NHERF2: variants seen among roughly 807,000 people sequenced by gnomAD.
The protein encoded by NHERF2 is Na(+)/H(+) exchange regulatory cofactor NHE-RF2.
chr16:2,036,928 G>A, the NHERF2 span: 5 of 1,575,598 alleles, frequency 3.2e-6, no homozygotes, highest in South Asian at 5.8e-5. Flanking sequence ...TGGTGGCTGA[G>A]CAGCCACTGA....
the NHERF2 span, chr16:2,033,234 C>A: frequency 2.0e-6 from 3 of 1,509,506 alleles, no homozygotes; most frequent in Admixed American, 4.0e-5. Flanking sequence ...CCCCACCCAT[C>A]CCCGGGGAGC....
At chr16:2,033,090 G>A in the NHERF2 span, 1 of 985,420 alleles carries the variant, frequency 1.0e-6, no homozygotes, top group Non-Finnish European at 1.2e-6. Context: ...GGGCAGGGCA[G>A]GGCCTTCCAG....
the NHERF2 span, chr16:2,035,779 T>A: frequency 1.4e-6 from 1 of 737,140 alleles, no homozygotes; most frequent in Non-Finnish European, 1.7e-6. Context: ...ACTAAGCTCC[T>A]GCCCCAGCCC....
At chr16:2,032,884 C>T in the NHERF2 span, 2 of 1,028,992 alleles carry the variant, frequency 1.9e-6, no homozygotes, top group Middle Eastern at 4.8e-4. The surrounding 1 kb of genome is among the most constrained non-coding windows in gnomAD (Gnocchi z 4.0). Flanking sequence ...CATGTCTCCA[C>T]CCCCATCTGG....
chr16:2,036,575 A>G, the NHERF2 span: 3 of 1,517,996 alleles, frequency 2.0e-6, no homozygotes, highest in Non-Finnish European at 2.7e-6. Context: ...GGGTCCTTGC[A>G]GGGAGGAGGG....
the NHERF2 span, chr16:2,035,998 C>T: frequency 3.9e-4 from 127 of 329,496 alleles, no homozygotes; most frequent in African/African-American, 2.2e-3. Flanking sequence ...AGGAGGCCAA[C>T]GGCGACAGTT....
the NHERF2 span, chr16:2,033,565 G>T: frequency 3.1e-6 from 3 of 957,308 alleles, no homozygotes; most frequent in Non-Finnish European, 4.5e-6. Flanking sequence ...GCCTTTCTCT[G>T]CCAGGGCTGG....
the NHERF2 span, chr16:2,036,407 T>C: frequency 1.9e-5 from 31 of 1,609,654 alleles, no homozygotes; most frequent in Non-Finnish European, 2.5e-5. Flanking sequence ...TCAACCTGCA[T>C]AGTGACAAGT....
At chr16:2,027,190 T>C in the NHERF2 span, 1 of 1,446,588 alleles carries the variant, frequency 6.9e-7, no homozygotes. Flanking sequence ...GTCAACGGCG[T>C]CAACGTGGAG....
At chr16:2,031,139 G>A in the NHERF2 span, among the ~76,000 whole-genome samples, 4 of 152,152 alleles carry the variant, frequency 2.6e-5, no homozygotes, top group Non-Finnish European at 4.4e-5. Flanking sequence ...AGCTGAGCCC[G>A]GGGGGAGCGG....
chr16:2,035,422 G>C, the NHERF2 span: 1 of 985,788 alleles, frequency 1.0e-6, no homozygotes, highest in East Asian at 1.1e-4. Context: ...GGTCCCTCAG[G>C]GACACACAGG....
the NHERF2 span, among the ~76,000 whole-genome samples, chr16:2,034,983 G>A: frequency 6.6e-6 from 1 of 152,128 alleles, no homozygotes; most frequent in Non-Finnish European, 1.5e-5. Flanking sequence ...GATTTTGGGG[G>A]TCTTGCACCC....
the NHERF2 span, among the ~76,000 whole-genome samples, chr16:2,027,468 C>T: frequency 6.6e-6 from 1 of 152,218 alleles, no homozygotes; most frequent in African/African-American, 2.4e-5. Context: ...CCTTTGGTCG[C>T]GTTTTGGCCT....
chr16:2,033,451 A>G, the NHERF2 span: 4 of 1,513,736 alleles, frequency 2.6e-6, no homozygotes, highest in Non-Finnish European at 3.5e-6. Context: ...GGGTGGGAGG[A>G]AGGGAGGGCT....
At chr16:2,031,923 C>T in the NHERF2 span, among the ~76,000 whole-genome samples, 1 of 151,864 alleles carries the variant, frequency 6.6e-6, no homozygotes, top group Non-Finnish European at 1.5e-5. Context: ...AACTCCTGAT[C>T]TCAGGTGATC....
chr16:2,027,365 T>G, the NHERF2 span: 74 of 280,966 alleles, frequency 2.6e-4, no homozygotes, highest in East Asian at 4.0e-4. Context: ...GCCTTCGGAG[T>G]CCCGGCGCAG....
chr16:2,031,311 A>AG, the NHERF2 span, among the ~76,000 whole-genome samples: 12 of 152,186 alleles, frequency 7.9e-5, no homozygotes, highest in East Asian at 1.5e-3. Context: ...CTGGCCTTGC[A>AG]GGGGGGCTGG....
the NHERF2 span, chr16:2,035,742 C>G: frequency 2.1e-6 from 2 of 938,140 alleles, no homozygotes; most frequent in Non-Finnish European, 2.5e-6. Flanking sequence ...CTTCCGGGCA[C>G]CAGGAGGCCC....
chr16:2,036,415 A>G, the NHERF2 span: 1 of 1,608,830 alleles, frequency 6.2e-7, no homozygotes, highest in Non-Finnish European at 8.5e-7. Flanking sequence ...CATAGTGACA[A>G]GTCCCGGCCC....
Sources: allele counts gnomAD v4.1 joint callset (sites outside exome capture counted in the v4.1 genomes callset), GRCh38; gene constraint gnomAD v4.1.1; non-coding constraint Gnocchi (gnomAD v3.1); transcripts MANE v1.5; gene names NCBI Gene and HGNC (gene_info 2026-07-23, HGNC 2026-07-21).